RTN1: variants seen among roughly 807,000 people sequenced by gnomAD.
RTN1 encodes the protein reticulon 1.
In RTN1, 25 loss-of-function variants were observed where a neutral mutation model predicts 65.5. The observed-to-expected ratio is 0.38, with a 90% CI of 0.28 to 0.53. The LOEUF is 0.53. Among genes scored for constraint, RTN1 ranks in the 20% least tolerant of loss-of-function variants. The pLI, the probability that RTN1 is intolerant of heterozygous loss-of-function variation, is 0.79. For synonymous variants in RTN1, 471 were observed against 447.6 expected (o/e 1.05, Z -0.66); for missense variants, 983 against 1,025.4 (o/e 0.96, Z 0.57).
chr14:59,679,708 G>A (rs774422589), intron 3 of RTN1, among the ~76,000 whole-genome samples: 40 of 152,138 alleles, frequency 2.6e-4, no homozygotes, highest in Admixed American at 9.8e-4. Flanking sequence ...GATGACTTCT[G>A]GATTTAAGTT....
At chr14:59,744,952 C>G (rs900019048) in intron 2 of RTN1, among the ~76,000 whole-genome samples, 1 of 152,140 alleles carries the variant, frequency 6.6e-6, no homozygotes, top group African/African-American at 2.4e-5. Context: ...AGAGGTGGAG[C>G]CTTTGAGAGG....
Position 59,846,782 on chromosome 14 carries a change from G to A in RTN1, c.241+23608C>T, listed in dbSNP as rs1360797881. Among the ~76,000 whole-genome samples the A allele has an allele frequency of 6.6e-6, 1 of 152,034 alleles. No homozygotes were observed. Among genetic ancestry groups the A allele is most frequent in the Non-Finnish European group, 1.5e-5 (1 of 68,018 alleles). ...CCCCTTGGTTCGTAGCCAGGTGTCC[G>A]CATACCTGTTTGAGATGCACAGTCT... On this transcript the variant is annotated intron_variant, in intron 1 of 8. Coordinates refer to ENST00000267484, the MANE Select transcript of RTN1 (RefSeq NM_021136.3). The surrounding 1 kb of genome is among the most constrained non-coding windows in gnomAD (Gnocchi z 4.8).
intron 8 of RTN1, among the ~76,000 whole-genome samples, chr14:59,600,292 T>C (rs942657360): frequency 1.3e-5 from 2 of 152,216 alleles, no homozygotes; most frequent in Middle Eastern, 3.4e-3. Flanking sequence ...CAATGATATA[T>C]AATATTGAGG....
intron 2 of RTN1, among the ~76,000 whole-genome samples, chr14:59,739,614 A>C (rs966774278): frequency 1.3e-5 from 2 of 152,076 alleles, no homozygotes; most frequent in African/African-American, 4.8e-5. Flanking sequence ...CAATTGTTGA[A>C]TTATGACAAC....
chr14:59,791,741 C>T (rs887916275), intron 1 of RTN1, among the ~76,000 whole-genome samples: 2 of 152,168 alleles, frequency 1.3e-5, no homozygotes, highest in South Asian at 2.1e-4. Context: ...TCCTCCACTC[C>T]GCTAAATCAC....
intron 1 of RTN1, among the ~76,000 whole-genome samples, chr14:59,792,605 A>G (rs1356229834): frequency 1.3e-5 from 2 of 152,192 alleles, no homozygotes; most frequent in Admixed American, 6.5e-5. Flanking sequence ...ATTCTGAAAA[A>G]GGAGTCAAAA....
chr14:59,849,848 C>T lies in RTN1; in HGVS notation c.241+20542G>A, dbSNP rs1232696964. Among the ~76,000 whole-genome samples the T allele has an allele frequency of 6.6e-6, 1 of 152,190 alleles. No homozygotes were observed. The highest frequency in any genetic ancestry group is 1.5e-5 in the Non-Finnish European group (1 of 68,032). On this transcript the variant is annotated intron_variant, in intron 1 of 8. Transcript: ENST00000267484. The surrounding 1 kb of genome is among the most constrained non-coding windows in gnomAD (Gnocchi z 4.5). ...TCTTAACTACTTCTCTTTTCCTCTTCTTCATAAATCCATTCCTTTTTTTAC... is the reference window on the plus strand; with the variant it reads ...TCTTAACTACTTCTCTTTTCCTCTTTTTCATAAATCCATTCCTTTTTTTAC...
chr14:59,827,130 G>A (rs1887045475), intron 1 of RTN1, among the ~76,000 whole-genome samples: 1 of 152,164 alleles, frequency 6.6e-6, no homozygotes, highest in South Asian at 2.1e-4. Context: ...CCAGGCTGGA[G>A]TACAGTGGCG....
rs145154216 is a variant in RTN1 at position 59,837,645 on chromosome 14, T to G, written c.241+32745A>C. Among the ~76,000 whole-genome samples, 533 of 152,004 alleles carry G rather than the reference T, an allele frequency of 3.5e-3. 3 individuals are homozygous for G. The highest frequency in any genetic ancestry group is 0.012 in the African/African-American group (514 of 41,484). The stretch of plus-strand genomic sequence containing the variant: ...CTAAGAATTCATAAGTAAATGCAAA[T>G]AGCAATAAACATTAAAAAAAACTGG... On this transcript the variant is annotated intron_variant, in intron 1 of 8. Coordinates refer to ENST00000267484, the MANE Select transcript of RTN1 (RefSeq NM_021136.3).
chr14:59,750,502 TATAATATATATAATATATC>T (rs1885476964), intron 1 of RTN1, among the ~76,000 whole-genome samples: 1 of 58,664 alleles, frequency 1.7e-5, no homozygotes, highest in Admixed American at 3.2e-4. Flanking sequence ...ATATTATATC[TATAATATATATAATATATC>T]TATAATATAT....
At chr14:59,669,155 CAT>C (rs746478745) in intron 3 of RTN1, among the ~76,000 whole-genome samples, 1 of 152,148 alleles carries the variant, frequency 6.6e-6, no homozygotes, top group Non-Finnish European at 1.5e-5. Context: ...CATATGCACA[CAT>C]ATGTTTATTG....
chr14:59,608,742 A>G (rs1311765878), intron 3 of RTN1, among the ~76,000 whole-genome samples: 1 of 152,168 alleles, frequency 6.6e-6, no homozygotes, highest in Non-Finnish European at 1.5e-5. Context: ...GAAAGACTCC[A>G]GTAGGCAGAC....
intron 3 of RTN1, chr14:59,610,263 T>C: frequency 1.5e-6 from 1 of 669,514 alleles, no homozygotes; most frequent in Non-Finnish European, 2.7e-6. Flanking sequence ...CTAAGTAACA[T>C]GAGTTTGGTG....
At chr14:59,712,912 CAAAA>C (rs34371436) in intron 3 of RTN1, among the ~76,000 whole-genome samples, 2 of 111,382 alleles carry the variant, frequency 1.8e-5, no homozygotes, top group Admixed American at 8.9e-5. Flanking sequence ...AACTCCATCT[CAAAA>C]AAAAAAAAAA....
At chr14:59,602,833 C>T (rs1881620844) in intron 8 of RTN1, among the ~76,000 whole-genome samples, 2 of 152,218 alleles carry the variant, frequency 1.3e-5, no homozygotes, top group South Asian at 2.1e-4. Context: ...TTCATTAAAA[C>T]TTATTATGAA....
chr14:59,743,774 G>C (rs1885160344), intron 2 of RTN1, among the ~76,000 whole-genome samples: 1 of 152,072 alleles, frequency 6.6e-6, no homozygotes, highest in Non-Finnish European at 1.5e-5. Context: ...AGTTCACCTG[G>C]GGAGCTGCTG....
chr14:59,622,651 A>G (rs187431348), intron 3 of RTN1, among the ~76,000 whole-genome samples: 1 of 152,348 alleles, frequency 6.6e-6, no homozygotes, highest in East Asian at 1.9e-4. Flanking sequence ...AAATAGAAGT[A>G]ATTTTTCCTA....
intron 1 of RTN1, among the ~76,000 whole-genome samples, chr14:59,760,378 A>G (rs1885725173): frequency 6.6e-6 from 1 of 152,220 alleles, no homozygotes; most frequent in Non-Finnish European, 1.5e-5. Context: ...CAAGAAACCA[A>G]TTCTTAACCA....
chr14:59,822,880 T>G (rs1886966572), intron 1 of RTN1, among the ~76,000 whole-genome samples: 1 of 139,668 alleles, frequency 7.2e-6, no homozygotes, highest in African/African-American at 2.7e-5. Flanking sequence ...ATAATTTGGG[T>G]TTTTTTTTTT....
Sources: allele counts gnomAD v4.1 joint callset (sites outside exome capture counted in the v4.1 genomes callset), GRCh38; gene constraint gnomAD v4.1.1; non-coding constraint Gnocchi (gnomAD v3.1); transcripts MANE v1.5; gene names NCBI Gene and HGNC (gene_info 2026-07-23, HGNC 2026-07-21).